EP300: variants seen among roughly 807,000 people sequenced by gnomAD.
EP300 encodes histone acetyltransferase p300.
In EP300, 31 loss-of-function variants were observed where a neutral mutation model predicts 264.0. The ratio of observed to expected loss-of-function variants is 0.12; its 90% confidence interval spans 0.09 to 0.16. EP300 has a LOEUF of 0.16. Ranked by LOEUF, EP300 falls within the 10% of genes least tolerant of loss-of-function variation. EP300 has a pLI of 1.00. For missense variants in EP300, 2,766 were observed against 3,052.9 expected, an observed-to-expected ratio of 0.91 and a Z score of 2.21; for synonymous variants, 1,340 against 1,045.4, an observed-to-expected ratio of 1.28 and a Z score of -5.44.
chr22:41,163,412 GC>G (rs1411301574), intron 21 of EP300, among the ~76,000 whole-genome samples: 4 of 134,858 alleles, frequency 3.0e-5, no homozygotes, highest in Non-Finnish European at 4.7e-5. Flanking sequence ...TCCAGCCTGG[GC>G]GACAGAGCGA....
chr22:41,107,734 TTTG>T (rs758393143), intron 1 of EP300, among the ~76,000 whole-genome samples: 33 of 152,208 alleles, frequency 2.2e-4, no homozygotes, highest in Non-Finnish European at 4.6e-4. Context: ...GAGTTTGGCT[TTTG>T]TTGCCCAAAC....
rs983340187 is a variant in EP300 at position 41,127,689 on chromosome 22, G to A, written c.1109G>A (p.Arg370His). The A allele has an allele frequency of 1.9e-6, 3 of 1,614,092 alleles. No homozygotes were observed. The highest frequency in any genetic ancestry group is 1.3e-5 in the African/African-American group (1 of 74,934). Residue 370 changes from arginine to histidine, a missense_variant, in exon 4 of 31, where the codon CGC becomes CAC. Coordinates refer to ENST00000263253, the MANE Select transcript of EP300 (RefSeq NM_001429.4). ...EVRQCNLPHC[R>H]TMKNVLNHMT... The stretch of plus-strand genomic sequence containing the variant: ...AGGCAGTGCAACCTTCCCCACTGTC[G>A]CACAATGAAGAATGTCCTAAACCAC...
intron 13 of EP300, 86 bp from the exon 14 acceptor site, chr22:41,149,675 G>A (rs2059031819): frequency 7.3e-7 from 1 of 1,368,306 alleles, no homozygotes; most frequent in Non-Finnish European, 1.0e-6. Context: ...ATCAGTTTGT[G>A]TCCTAAATTT....
In EP300 at chr22:41,164,095, C is replaced by A; in HGVS notation, c.3771C>A (p.Ile1257=). Residue 1257 remains isoleucine (I), a synonymous_variant, in exon 22 of 31, where the codon ATC becomes ATA. Transcript: ENST00000263253. ...AGTGCGGAAGAAAGATGCATCAGAT[C>A]TGTGTCCTTCACCATGAGATCATCT... is the stretch of plus-strand genomic sequence containing the variant. ...CTECGRKMHQ[I]CVLHHEIIWP... The A allele has an allele frequency of 6.2e-7, 1 of 1,614,154 alleles. No individual in the cohort carries two copies. The highest frequency in any genetic ancestry group is 8.5e-7 in the Non-Finnish European group (1 of 1,180,026).
chr22:41,158,262 A>T (rs958650945), intron 18 of EP300, 150 bp from the exon 19 acceptor site: 20 of 698,936 alleles, frequency 2.9e-5, no homozygotes, highest in Middle Eastern at 2.4e-4. Flanking sequence ...TAGTAAACTG[A>T]GAATGATTTT....
chr22:41,152,016 A>G lies in EP300; in HGVS notation c.2997+4A>G. ...TCAGCCGGAGGATATTTCAGAGGTG[A>G]GAGTAGGGCAATTACTGTTTGATTT... On this transcript the variant is annotated splice_donor_region_variant and intron_variant, in intron 15 of 30. Transcript: ENST00000263253. 1 of 1,614,186 alleles carries G rather than the reference A, an allele frequency of 6.2e-7. No homozygotes were observed. The highest frequency in any genetic ancestry group is 8.5e-7 in the Non-Finnish European group (1 of 1,180,028).
intron 4 of EP300, among the ~76,000 whole-genome samples, chr22:41,129,321 AT>A (rs1211735492): frequency 6.6e-6 from 1 of 152,118 alleles, no homozygotes; most frequent in Non-Finnish European, 1.5e-5. Context: ...AAAACACACT[AT>A]CGTTTTTGTG....
At chr22:41,106,340 A>T (rs2058757926) in intron 1 of EP300, among the ~76,000 whole-genome samples, 1 of 152,218 alleles carries the variant, frequency 6.6e-6, no homozygotes, top group African/African-American at 2.4e-5. Flanking sequence ...GACTAATGTT[A>T]TGTAGGTTTG....
At chr22:41,171,843 C>T (rs1338477779) in intron 27 of EP300, among the ~76,000 whole-genome samples, 20 of 151,062 alleles carry the variant, frequency 1.3e-4, no homozygotes. Flanking sequence ...GAACTCCTGA[C>T]CTCAGGTGAT....
intron 27 of EP300, 45 bp downstream of exon 27, chr22:41,170,616 A>G (rs1158838506): frequency 7.3e-6 from 11 of 1,508,116 alleles, no homozygotes; most frequent in African/African-American, 1.4e-5. Flanking sequence ...AGATCTGGAA[A>G]TGCACTAATG....
chr22:41,152,956 C>T (rs1007913656), intron 16 of EP300, among the ~76,000 whole-genome samples: 34 of 152,100 alleles, frequency 2.2e-4, no homozygotes, highest in African/African-American at 7.7e-4. Flanking sequence ...CAGGATTTCA[C>T]CGTGTTGGCC....
chr22:41,120,912 A>T (rs896041932), intron 2 of EP300, among the ~76,000 whole-genome samples: 1 of 152,250 alleles, frequency 6.6e-6, no homozygotes, highest in African/African-American at 2.4e-5. Flanking sequence ...ACAGGGTCTC[A>T]CTATGTTGTC....
intron 1 of EP300, among the ~76,000 whole-genome samples, chr22:41,110,281 AATTTT>A (rs1486680273): frequency 1.6e-4 from 16 of 98,230 alleles, no homozygotes; most frequent in African/African-American, 5.8e-4. Context: ...ATATCCAGCT[AATTTT>A]TTTTTTTTTT....
rs2058980159 is a variant in EP300 at position 41,141,185 on chromosome 22, G to A, written c.2016G>A (p.Gly672=). ...AGMVPVSMNP[G]PNMGQPQPGM... ...TGGTTCCAGTTTCCATGAATCCAGG[G>A]CCTAACATGGGACAGCCGCAACCAG... Residue 672 remains glycine (G), a synonymous_variant, in exon 10 of 31, where the codon GGG becomes GGA. Transcript: ENST00000263253. The A allele has an allele frequency of 6.2e-7, 1 of 1,614,180 alleles. No individual in the cohort carries two copies. Among genetic ancestry groups the A allele is most frequent in the Non-Finnish European group, 8.5e-7 (1 of 1,180,030 alleles).
chr22:41,178,536 C>T lies in EP300; in HGVS notation c.6825C>T (p.Pro2275=), dbSNP rs761649816. The T allele has an allele frequency of 3.7e-6, 6 of 1,613,952 alleles. No individual in the cohort carries two copies. In the African/African-American group the frequency reaches 4.0e-5, roughly 11 times the overall value. Residue 2275 remains proline, a synonymous_variant, in exon 31 of 31, where the codon CCC becomes CCT. Transcript: ENST00000263253. ...AACAGATGGGGTCCCCTGTTCAGCC[C>T]AACCCCATGAGCCCCCAGCAGCATA... ...LQQQMGSPVQ[P]NPMSPQQHML...
At position 41,162,708 on chromosome 22, in the gene EP300, C is replaced by T; in HGVS notation, c.3672-15C>T. On this transcript the variant is annotated splice_polypyrimidine_tract_variant and intron_variant, in intron 20 of 30. Transcript: ENST00000263253. ...TCTATCACTTTTTCTCATTGTGTCCCTTTTCTCTCCTTAGTACAATAAATA... is the reference window on the plus strand; with the variant it reads ...TCTATCACTTTTTCTCATTGTGTCCTTTTTCTCTCCTTAGTACAATAAATA... 2 of 1,603,436 alleles carry T rather than the reference C, an allele frequency of 1.2e-6. No individual in the cohort carries two copies. The highest frequency in any genetic ancestry group is 2.2e-5 in the East Asian group (1 of 44,754).
Position 41,168,878 on chromosome 22 carries a change from C to G in EP300, c.4172+11C>G, listed in dbSNP as rs368910454. The G allele has an allele frequency of 6.2e-7, 1 of 1,614,134 alleles. No homozygotes were observed. Among genetic ancestry groups the G allele is most frequent in the Middle Eastern group, 1.7e-4 (1 of 6,058 alleles). On this transcript the variant is annotated intron_variant, in intron 25 of 30. Coordinates refer to ENST00000263253, the MANE Select transcript of EP300 (RefSeq NM_001429.4). ...TCCACCCAACCAGAGGTATGACTAG[C>G]TCACAGTGGCTAGCTCCGGATTTGT...
chr22:41,103,407 T>TA (rs1369992933), intron 1 of EP300, among the ~76,000 whole-genome samples: 2 of 152,184 alleles, frequency 1.3e-5, no homozygotes, highest in African/African-American at 2.4e-5. Context: ...ACTTCAGAGA[T>TA]ACAGTGGGGT....
In EP300 at chr22:41,173,021, C is replaced by A. The variant is rs529533057; in HGVS notation, c.4617+358C>A. Reference sequence around the variant, plus strand: ...TGGCATATTTTCTGTCTTTTAAAAACACACTCTTTTTAAATGTAAAAAACC... The same window carrying A: ...TGGCATATTTTCTGTCTTTTAAAAAAACACTCTTTTTAAATGTAAAAAACC... On this transcript the variant is annotated intron_variant, in intron 28 of 30. Transcript: ENST00000263253. 2.1e-3 allele frequency among the ~76,000 whole-genome samples: 326 copies of A among 152,272 alleles called. 17 individuals carry two copies. In the South Asian group the frequency reaches 0.066, roughly 31 times the overall value.
Sources: allele counts gnomAD v4.1 joint callset (sites outside exome capture counted in the v4.1 genomes callset), GRCh38; gene constraint gnomAD v4.1.1; transcripts MANE v1.5; gene names NCBI Gene and HGNC (gene_info 2026-07-23, HGNC 2026-07-21).